PRIM2: variants seen among roughly 807,000 people sequenced by gnomAD.
The protein encoded by PRIM2 is DNA primase large subunit.
In PRIM2, 39 loss-of-function variants were observed where a neutral mutation model predicts 67.3. That is an observed-to-expected ratio of 0.58 (90% CI 0.45 to 0.76). The LOEUF (loss-of-function observed/expected upper bound fraction) is 0.76, where lower values mean the gene tolerates loss of function less well. Ranked by LOEUF, PRIM2 falls within the 30% of genes least tolerant of loss-of-function variation. The probability of loss-of-function intolerance (pLI) is 0.00; values close to 1 mark genes in which losing one functional copy is unlikely to be tolerated. For synonymous variants in PRIM2, 143 were observed against 198.7 expected, an observed-to-expected ratio of 0.72 and a Z score of 2.36; for missense variants, 398 against 598.7, an observed-to-expected ratio of 0.66 and a Z score of 3.50.
At chr6:57,538,325 T>G (rs1273829055) in intron 10 of PRIM2, among the ~76,000 whole-genome samples, 1 of 152,166 alleles carries the variant, frequency 6.6e-6, no homozygotes, top group East Asian at 1.9e-4. Flanking sequence ...TCATCATACC[T>G]AGCCTATAGA....
intron 7 of PRIM2, among the ~76,000 whole-genome samples, chr6:57,445,006 A>G (rs1772319792): frequency 6.6e-6 from 1 of 152,162 alleles, no homozygotes; most frequent in Non-Finnish European, 1.5e-5. Flanking sequence ...CTTAAGCAGT[A>G]ACAACGTCTA....
At chr6:57,287,473 G>A in the PRIM2 span, among the ~76,000 whole-genome samples, 1 of 152,106 alleles carries the variant, frequency 6.6e-6, no homozygotes, top group African/African-American at 2.4e-5. Context: ...CATGGATGAA[G>A]CTGGAAACAA....
intron 10 of PRIM2, among the ~76,000 whole-genome samples, chr6:57,575,881 C>G (rs1775955520): frequency 6.6e-6 from 1 of 152,134 alleles, no homozygotes. Context: ...TGGGTTCAAG[C>G]TATTCTCCTG....
chr6:57,560,815 A>C (rs1775612742), intron 10 of PRIM2, among the ~76,000 whole-genome samples: 1 of 152,170 alleles, frequency 6.6e-6, no homozygotes, highest in East Asian at 1.9e-4. Flanking sequence ...CTCTGCTATA[A>C]ACAGATATGC....
intron 7 of PRIM2, among the ~76,000 whole-genome samples, chr6:57,391,264 T>C (rs1026882873): frequency 3.4e-5 from 5 of 147,992 alleles, no homozygotes; most frequent in Non-Finnish European, 7.4e-5. Context: ...AAATTCCTTA[T>C]AGATGTTGAA....
At chr6:57,339,254 C>G (rs1433233984) in intron 5 of PRIM2, among the ~76,000 whole-genome samples, 1 of 152,132 alleles carries the variant, frequency 6.6e-6, no homozygotes, top group East Asian at 1.9e-4. Context: ...TAGGAAGAAT[C>G]AATATCGTGA....
At chr6:57,463,493 A>G (rs1343512148) in intron 7 of PRIM2, among the ~76,000 whole-genome samples, 3 of 152,164 alleles carry the variant, frequency 2.0e-5, no homozygotes, top group Non-Finnish European at 2.9e-5. Flanking sequence ...CCCTATCTCT[A>G]AAACAAAACA....
intron 5 of PRIM2, among the ~76,000 whole-genome samples, chr6:57,376,321 T>C (rs4288208): frequency 2.0e-5 from 3 of 152,168 alleles, no homozygotes; most frequent in East Asian, 3.8e-4. Context: ...GCCATTTGTA[T>C]ATTTTAACCA....
chr6:57,388,757 G>A (rs1010480590), intron 7 of PRIM2, among the ~76,000 whole-genome samples: 2 of 152,098 alleles, frequency 1.3e-5, no homozygotes, highest in African/African-American at 2.4e-5. Context: ...AGAAGACTCC[G>A]AGAAAAATAT....
the PRIM2 span, among the ~76,000 whole-genome samples, chr6:57,302,882 G>A: frequency 3.3e-5 from 5 of 152,224 alleles, no homozygotes; most frequent in African/African-American, 9.6e-5. Context: ...GTTACTGCAG[G>A]TGCATTTATT....
chr6:57,386,810 A>G (rs1770170947), intron 7 of PRIM2, among the ~76,000 whole-genome samples: 2 of 151,526 alleles, frequency 1.3e-5, no homozygotes, highest in Non-Finnish European at 2.9e-5. Context: ...CAGCTTTATA[A>G]ATGGAAATAT....
the PRIM2 span, among the ~76,000 whole-genome samples, chr6:57,269,986 C>T: frequency 6.6e-6 from 1 of 152,092 alleles, no homozygotes; most frequent in South Asian, 2.1e-4. Flanking sequence ...TTCCATTGGT[C>T]TATATATCTG....
chr6:57,511,364 C>T (rs1554347700), intron 8 of PRIM2, among the ~76,000 whole-genome samples: 1 of 152,074 alleles, frequency 6.6e-6, no homozygotes, highest in African/African-American at 2.4e-5. Flanking sequence ...ACTTAGTGCC[C>T]GTTATGTGCT....
intron 7 of PRIM2, among the ~76,000 whole-genome samples, chr6:57,473,380 T>G (rs1234234665): frequency 1.3e-5 from 2 of 152,234 alleles, no homozygotes; most frequent in African/African-American, 4.8e-5. Context: ...CTGTATCTGA[T>G]GTACACACTT....
At chr6:57,607,792 CATATT>C (rs1776589710) in intron 12 of PRIM2, among the ~76,000 whole-genome samples, 1 of 152,104 alleles carries the variant, frequency 6.6e-6, no homozygotes, top group East Asian at 1.9e-4. Context: ...TCTATGTTAA[CATATT>C]ATGTCTGCAT....
chr6:57,495,364 T>C (rs1773979806), intron 7 of PRIM2, among the ~76,000 whole-genome samples: 1 of 152,204 alleles, frequency 6.6e-6, no homozygotes, highest in East Asian at 1.9e-4. Flanking sequence ...TTTCAACATC[T>C]ACAAAGGCAA....
the PRIM2 span, among the ~76,000 whole-genome samples, chr6:57,247,272 G>A: frequency 1.3e-5 from 2 of 152,168 alleles, no homozygotes; most frequent in Admixed American, 1.3e-4. Flanking sequence ...ACATCTAGGG[G>A]TGACATTGAC....
intron 7 of PRIM2, among the ~76,000 whole-genome samples, chr6:57,497,154 C>T (rs1383905896): frequency 3.3e-5 from 5 of 152,148 alleles, no homozygotes; most frequent in African/African-American, 1.2e-4. Flanking sequence ...ATTTTGTATA[C>T]GTTTTTAAGA....
intron 10 of PRIM2, 111 bp from the exon 11 acceptor site, chr6:57,600,982 G>A: frequency 1.9e-6 from 2 of 1,039,154 alleles, no homozygotes; most frequent in South Asian, 3.8e-5. Context: ...TGAATGCTGA[G>A]TTTATTCTAG....
Sources: allele counts gnomAD v4.1 joint callset (sites outside exome capture counted in the v4.1 genomes callset), GRCh38; gene constraint gnomAD v4.1.1; transcripts MANE v1.5; gene names NCBI Gene and HGNC (gene_info 2026-07-23, HGNC 2026-07-21).